The following GRIA2 variants were observed in gnomAD, a reference collection of about 807,000 sequenced individuals.
GRIA2 encodes the protein glutamate receptor 2.
Under a neutral mutation model 97.3 loss-of-function variants are expected in GRIA2, and 14 were observed. That is an observed-to-expected ratio of 0.14 (90% CI 0.10 to 0.23). GRIA2 has a LOEUF of 0.23. GRIA2 is among the 10% of genes least tolerant of loss of function. The pLI is 1.00. For synonymous variants in GRIA2, 412 were observed against 387.8 expected, an observed-to-expected ratio of 1.06 and a Z score of -0.73; for missense variants, 558 against 1,069.8, an observed-to-expected ratio of 0.52 and a Z score of 6.67.
chr4:157,280,410 G>T (rs1239699968), intron 2 of GRIA2, among the ~76,000 whole-genome samples: 1 of 152,080 alleles, frequency 6.6e-6, no homozygotes, highest in Non-Finnish European at 1.5e-5. Context: ...ATCTTAGACT[G>T]TAAGTAATAG....
chr4:157,337,634 G>T (rs1389124333), intron 11 of GRIA2, among the ~76,000 whole-genome samples: 1 of 151,792 alleles, frequency 6.6e-6, no homozygotes, highest in African/African-American at 2.4e-5. Flanking sequence ...ATAACTAGTG[G>T]AGCGGGTGCC....
chr4:157,361,496 A>G lies in GRIA2; in HGVS notation c.2406+372A>G. 7.4e-7 allele frequency: 1 copy of G among 1,345,972 alleles called. No individual in the cohort carries two copies. Among genetic ancestry groups the G allele is most frequent in the Non-Finnish European group, 1.1e-6 (1 of 938,128 alleles). The allele number at this position is 1,345,972 out of a possible 1,614,324, so 83.4% of individuals were successfully genotyped here. A position where few individuals can be genotyped will look rare whatever the true frequency, so the allele number is the denominator to read the frequency against. ...CAGTATTATGTAATGAATAACATAA[A>G]ATAACATTGATAATGTTATTTATGT... On this transcript the variant is annotated intron_variant, in intron 14 of 15. Transcript: ENST00000264426. This position sits in a 1 kb window ranked among gnomAD's most constrained non-coding sequence, Gnocchi z 5.2.
intron 2 of GRIA2, among the ~76,000 whole-genome samples, chr4:157,295,483 A>G (rs1188245387): frequency 6.6e-6 from 1 of 152,100 alleles, no homozygotes; most frequent in Non-Finnish European, 1.5e-5. Flanking sequence ...TGTTTCATTC[A>G]GTAGCTATAT....
intron 2 of GRIA2, among the ~76,000 whole-genome samples, chr4:157,298,671 T>G (rs539590778): frequency 6.9e-6 from 1 of 144,488 alleles, no homozygotes; most frequent in African/African-American, 2.5e-5. Flanking sequence ...TTGAACGTTA[T>G]ATTTTATCAA....
At position 157,365,564 on chromosome 4, in the gene GRIA2, A is replaced by C. The variant is rs1476762721; in HGVS notation, c.*2133A>C. On this transcript the variant is annotated 3_prime_UTR_variant, in exon 16 of 16. Transcript: ENST00000264426. ...ATGTTTTTATAGATACAACATGACA[A>C]GAATACATAATGTAAGAGTATTTCA... 6.6e-6 allele frequency: 1 copy of C among 152,074 alleles called. No individual in the cohort carries two copies. Among genetic ancestry groups the C allele is most frequent in the Non-Finnish European group, 1.5e-5 (1 of 67,640 alleles). The allele number at this position is 152,074 out of a possible 1,614,324, so 9.4% of individuals were successfully genotyped here.
At chr4:157,304,812 A>G (rs1733767753) in intron 3 of GRIA2, among the ~76,000 whole-genome samples, 1 of 152,110 alleles carries the variant, frequency 6.6e-6, no homozygotes, top group African/African-American at 2.4e-5. Flanking sequence ...GCCGTCAGTC[A>G]ATTCTCCATT....
intron 6 of GRIA2, among the ~76,000 whole-genome samples, chr4:157,327,983 A>G (rs978552296): frequency 1.3e-5 from 2 of 152,062 alleles, no homozygotes; most frequent in Admixed American, 1.3e-4. Flanking sequence ...ACTCTTCCTA[A>G]TATTACAGCA....
intron 12 of GRIA2, among the ~76,000 whole-genome samples, chr4:157,358,072 A>C (rs893110775): frequency 3.9e-5 from 6 of 152,152 alleles, no homozygotes; most frequent in Non-Finnish European, 8.8e-5. Context: ...TTGTTCCAAA[A>C]TTGTGATATT....
intron 6 of GRIA2, among the ~76,000 whole-genome samples, chr4:157,330,473 T>C (rs757653800): frequency 2.0e-5 from 3 of 151,934 alleles, no homozygotes; most frequent in Non-Finnish European, 2.9e-5. Flanking sequence ...CCCATGAAAA[T>C]TTATACTGTA....
Position 157,363,514 on chromosome 4 carries a change from C to T in GRIA2, c.*83C>T, listed in dbSNP as rs1736733637. ...ACTGGAGAAAATGGACGTGTTATGA[C>T]TCCAGAATTTCCCAAAGCAGTGCAT... On this transcript the variant is annotated 3_prime_UTR_variant, in exon 16 of 16. Transcript: ENST00000264426. 2.4e-6 allele frequency: 3 copies of T among 1,238,234 alleles called. No individual in the cohort carries two copies. The highest frequency in any genetic ancestry group is 3.0e-6 in the Non-Finnish European group (3 of 989,914). The allele number at this position is 1,238,234 out of a possible 1,614,324, so 76.7% of individuals were successfully genotyped here.
chr4:157,295,302 A>G (rs1483416952), intron 2 of GRIA2, among the ~76,000 whole-genome samples: 4 of 152,170 alleles, frequency 2.6e-5, no homozygotes, highest in African/African-American at 9.6e-5. Context: ...ATGTTGCATC[A>G]ATCTAGTATT....
At chr4:157,362,345 A>G (rs1736666353) in intron 14 of GRIA2, 5 of 455,898 alleles carry the variant, frequency 1.1e-5, no homozygotes, top group Non-Finnish European at 2.2e-5. Flanking sequence ...TTATGACTCT[A>G]CTAAGCCAGT....
intron 2 of GRIA2, among the ~76,000 whole-genome samples, chr4:157,227,525 A>T (rs1341578199): frequency 6.6e-6 from 1 of 152,194 alleles, no homozygotes; most frequent in Non-Finnish European, 1.5e-5. Context: ...AGCAAATGCT[A>T]TTACAAGAAA....
chr4:157,316,577 A>T (rs1734331240), intron 4 of GRIA2, among the ~76,000 whole-genome samples: 2 of 152,064 alleles, frequency 1.3e-5, no homozygotes, highest in Admixed American at 1.3e-4. Flanking sequence ...AGACAAGCAG[A>T]GGAAGCAAAA....
chr4:157,317,749 A>C, intron 5 of GRIA2, 38 bp downstream of exon 5: 1 of 794,054 alleles, frequency 1.3e-6, no homozygotes, highest in South Asian at 1.6e-5. Flanking sequence ...TTTACTAGAT[A>C]TGCTTATTTA....
At chr4:157,266,193 A>G (rs187989556) in intron 2 of GRIA2, among the ~76,000 whole-genome samples, 2 of 152,250 alleles carry the variant, frequency 1.3e-5, no homozygotes, top group African/African-American at 2.4e-5. Flanking sequence ...ATCCAATAAA[A>G]GTTGTCTAGA....
intron 2 of GRIA2, among the ~76,000 whole-genome samples, chr4:157,236,993 CAT>C (rs1236398094): frequency 1.3e-5 from 2 of 152,122 alleles, no homozygotes; most frequent in Non-Finnish European, 2.9e-5. Flanking sequence ...TATGAATACA[CAT>C]ATTCTTAAAT....
rs1735868515 is a variant in GRIA2, at chr4:157,348,634, T to TA, written c.2043+7175dup. 1.3e-5 allele frequency among the ~76,000 whole-genome samples: 2 copies of TA among 152,226 alleles called. 1 individual carries two copies. Among genetic ancestry groups the TA allele is most frequent in the South Asian group, 4.1e-4 (2 of 4,834 alleles). On this transcript the variant is annotated intron_variant, in intron 12 of 15. Transcript: ENST00000264426. ...AAAATATGCTATTTCATCGTGTCTTTAAAGGAACAAAGATCTTATCATAGT... is the reference window on the plus strand; with the variant it reads ...AAAATATGCTATTTCATCGTGTCTTTAAAAGGAACAAAGATCTTATCATAGT...
chr4:157,294,013 T>C (rs1733225473), intron 2 of GRIA2, among the ~76,000 whole-genome samples: 1 of 152,142 alleles, frequency 6.6e-6, no homozygotes. Flanking sequence ...TGAAAATAAA[T>C]GTATGTGGGT....
Sources: gnomAD v4.1 joint callset for allele counts (sites outside exome capture counted in the v4.1 genomes callset) on GRCh38, gnomAD v4.1.1 for gene constraint, Gnocchi (gnomAD v3.1) non-coding constraint, MANE v1.5 for transcripts, NCBI Gene and HGNC (gene_info 2026-07-23, HGNC 2026-07-21) for gene names.